Variants in NPAS2 observed in about 807,000 individuals in gnomAD.
NPAS2 encodes neuronal PAS domain protein 2, also known as neuronal PAS domain-containing protein 2.
Under a neutral mutation model 107.5 loss-of-function variants are expected in NPAS2, and 23 were observed. The ratio of observed to expected loss-of-function variants is 0.21; its 90% CI spans 0.15 to 0.30. The LOEUF is 0.30. Among genes scored for constraint, NPAS2 ranks in the 10% least tolerant of loss-of-function variants. The pLI, the probability that NPAS2 is intolerant of heterozygous loss-of-function variation, is 1.00. For missense variants in NPAS2, 756 were observed against 1,043.3 expected (o/e 0.72, Z 3.79); for synonymous variants, 403 against 417.5 (o/e 0.97, Z 0.42).
chr2:100,915,901 G>A (rs13418893), intron 2 of NPAS2, among the ~76,000 whole-genome samples: 53,373 of 151,886 alleles, frequency 0.35, 10,099 homozygotes, highest in Admixed American at 0.51. Context: ...AATCTGATAG[G>A]GTATATTTAG....
At chr2:100,932,381 G>A (rs538220434) in intron 3 of NPAS2, among the ~76,000 whole-genome samples, 3 of 152,364 alleles carry the variant, frequency 2.0e-5, no homozygotes, top group East Asian at 1.9e-4. Flanking sequence ...ATGTGTATGT[G>A]TATAGCACGC....
chr2:100,885,756 C>T (rs1680660614), intron 1 of NPAS2, among the ~76,000 whole-genome samples: 2 of 152,262 alleles, frequency 1.3e-5, no homozygotes, highest in Admixed American at 1.3e-4. Context: ...CTCACTGCAA[C>T]CTCCCCCAGC....
At chr2:100,963,950 C>T (rs975977777) in intron 7 of NPAS2, 108 bp from the exon 8 acceptor site, 1 of 699,884 alleles carries the variant, frequency 1.4e-6, no homozygotes, top group Non-Finnish European at 2.6e-6. Flanking sequence ...ATATACTCTA[C>T]ATAAACCCTG....
chr2:100,870,196 G>T (rs991043024), intron 1 of NPAS2, among the ~76,000 whole-genome samples: 1 of 152,012 alleles, frequency 6.6e-6, no homozygotes, highest in Non-Finnish European at 1.5e-5. Flanking sequence ...ACCGCACCTG[G>T]CCCAGACTCC....
chr2:100,836,534 G>A (rs2104396020), intron 1 of NPAS2, among the ~76,000 whole-genome samples: 1 of 152,350 alleles, frequency 6.6e-6, no homozygotes, highest in Middle Eastern at 3.4e-3. Context: ...GGTGGTAGGG[G>A]AGGGTGAGGT....
chr2:100,860,793 T>C (rs1678891549), intron 1 of NPAS2, among the ~76,000 whole-genome samples: 2 of 152,212 alleles, frequency 1.3e-5, no homozygotes, highest in Non-Finnish European at 2.9e-5. Flanking sequence ...CATCATTCTT[T>C]GAGCTCTTCT....
intron 5 of NPAS2, among the ~76,000 whole-genome samples, chr2:100,946,872 G>A (rs1381761425): frequency 1.3e-5 from 2 of 152,266 alleles, no homozygotes; most frequent in Non-Finnish European, 1.5e-5. Flanking sequence ...GGGTAAGGAC[G>A]AGAAGGAGAG....
At chr2:100,937,657 C>T (rs1422129366) in intron 4 of NPAS2, 96 bp from the exon 5 acceptor site, 1 of 882,974 alleles carries the variant, frequency 1.1e-6, no homozygotes, top group Non-Finnish European at 1.9e-6. Flanking sequence ...GATTATAAAA[C>T]AAAGCCAGTG....
intron 1 of NPAS2, among the ~76,000 whole-genome samples, chr2:100,857,538 C>G (rs1040656403): frequency 6.6e-6 from 1 of 152,106 alleles, no homozygotes; most frequent in Non-Finnish European, 1.5e-5. Context: ...TAGGAACAGG[C>G]CAGAGCAGGC....
At chr2:100,904,663 A>T in intron 1 of NPAS2, 70 bp from the exon 2 acceptor site, 2 of 1,159,986 alleles carry the variant, frequency 1.7e-6, no homozygotes, top group Non-Finnish European at 2.5e-6. Flanking sequence ...AACCTGAAAG[A>T]CTTTTAAGAA....
At chr2:100,839,219 C>G (rs1260157778) in intron 1 of NPAS2, among the ~76,000 whole-genome samples, 3 of 152,142 alleles carry the variant, frequency 2.0e-5, no homozygotes, top group Non-Finnish European at 2.9e-5. Context: ...ACCTCCACCT[C>G]CTGGGTTCAA....
upstream of NPAS2, among the ~76,000 whole-genome samples, chr2:100,819,786 G>A (rs1006511792): frequency 7.1e-4 from 91 of 128,502 alleles, no homozygotes; most frequent in Admixed American, 1.5e-3. The surrounding 1 kb of genome is among the most constrained non-coding windows in gnomAD (Gnocchi z 5.8). Context: ...TCACCTGGAA[G>A]CACAACCCCC....
chr2:100,868,236 A>G (rs949198943), intron 1 of NPAS2, among the ~76,000 whole-genome samples: 5 of 152,192 alleles, frequency 3.3e-5, no homozygotes, highest in African/African-American at 9.7e-5. Flanking sequence ...TATTTTATCA[A>G]TTGTTGAAAG....
chr2:100,894,729 G>A (rs1681293161), intron 1 of NPAS2, among the ~76,000 whole-genome samples: 1 of 152,200 alleles, frequency 6.6e-6, no homozygotes, highest in Admixed American at 6.5e-5. Flanking sequence ...GCCTGGTCTG[G>A]GCAGTCCATT....
intron 7 of NPAS2, among the ~76,000 whole-genome samples, chr2:100,951,906 T>C (rs903017565): frequency 6.6e-6 from 1 of 152,168 alleles, no homozygotes; most frequent in African/African-American, 2.4e-5. Flanking sequence ...TCCCAGCACT[T>C]TGGGAGGCCG....
At position 100,995,763 on chromosome 2, in the gene NPAS2, A is replaced by G. The variant is rs978307321; in HGVS notation, c.*181A>G. 2 of 1,549,330 alleles carry G rather than the reference A, an allele frequency of 1.3e-6. No homozygotes were observed. The highest frequency in any genetic ancestry group is 1.7e-6 in the Non-Finnish European group (2 of 1,146,822). On this transcript the variant is annotated 3_prime_UTR_variant, in exon 21 of 21. Transcript: ENST00000335681. ...AGCGCTTGCTGCAGTGGAAATGATCAGGAATACTGACCGTGTTTCTCTTGC... is the reference window on the plus strand; with the variant it reads ...AGCGCTTGCTGCAGTGGAAATGATCGGGAATACTGACCGTGTTTCTCTTGC...
intron 15 of NPAS2, among the ~76,000 whole-genome samples, chr2:100,979,099 G>A (rs1677236243): frequency 6.6e-6 from 1 of 152,162 alleles, no homozygotes; most frequent in Admixed American, 6.5e-5. Flanking sequence ...CCTCTTAGTG[G>A]GGGTCTCTCA....
intron 6 of NPAS2, among the ~76,000 whole-genome samples, chr2:100,949,013 G>A (rs1302825397): frequency 6.6e-6 from 1 of 152,172 alleles, no homozygotes; most frequent in Non-Finnish European, 1.5e-5. Flanking sequence ...TTACTTCAAA[G>A]CAAAGCAAAA....
chr2:100,991,661 C>G (rs1465581734), intron 19 of NPAS2, among the ~76,000 whole-genome samples: 1 of 152,208 alleles, frequency 6.6e-6, no homozygotes, highest in Non-Finnish European at 1.5e-5. Flanking sequence ...TACTGCCTTT[C>G]TGAGGGTCAG....
Sources: allele counts gnomAD v4.1 joint callset (sites outside exome capture counted in the v4.1 genomes callset), GRCh38; gene constraint gnomAD v4.1.1; non-coding constraint Gnocchi (gnomAD v3.1); transcripts MANE v1.5; gene names NCBI Gene and HGNC (gene_info 2026-07-23, HGNC 2026-07-21).